Variants in TRAPPC9 observed in about 807,000 individuals in gnomAD.
TRAPPC9 encodes trafficking protein particle complex subunit 9.
Under a neutral mutation model 124.0 loss-of-function variants are expected in TRAPPC9, and 83 were observed. That is an observed-to-expected ratio of 0.67 (90% confidence interval 0.56 to 0.80). The LOEUF (loss-of-function observed/expected upper bound fraction) is 0.80. TRAPPC9 is among the 30% of genes least tolerant of loss of function. The pLI is 0.00. For missense variants in TRAPPC9, 1,302 were observed against 1,508.3 expected (o/e 0.86, Z 2.27); for synonymous variants, 638 against 617.5 (o/e 1.03, Z -0.49).
intron 21 of TRAPPC9, among the ~76,000 whole-genome samples, chr8:139,737,098 C>G (rs1225026456): frequency 1.3e-5 from 2 of 152,332 alleles, no homozygotes; most frequent in Middle Eastern, 3.4e-3. Flanking sequence ...CACGTGAAAG[C>G]GCGGGTGCTG....
At position 139,964,416 on chromosome 8, in the gene TRAPPC9, AACACTCTCT is replaced by A. The variant is rs1835563677; in HGVS notation, c.2810+24301_2810+24309del. 4.6e-5 allele frequency among the ~76,000 whole-genome samples: 7 copies of A among 152,072 alleles called. No homozygotes were observed. The South Asian group carries it at 1.3e-3, about 27-fold the overall frequency. ...GCACTCTCTCACAGAGCACTAACTC[AACACTCTCT>A]AAGAATCCTCCGCCTTGGAGAAGAT... On this transcript the variant is annotated intron_variant, in intron 19 of 22. Transcript: ENST00000438773.
At chr8:140,253,375 G>A (rs2064173241) in intron 15 of TRAPPC9, among the ~76,000 whole-genome samples, 1 of 151,968 alleles carries the variant, frequency 6.6e-6, no homozygotes, top group Non-Finnish European at 1.5e-5. Context: ...CACAAAAAGA[G>A]AATAAAAAAT....
chr8:140,066,943 G>A (rs1842921227), intron 17 of TRAPPC9, among the ~76,000 whole-genome samples: 1 of 152,178 alleles, frequency 6.6e-6, no homozygotes, highest in African/African-American at 2.4e-5. Flanking sequence ...TCTACTGACA[G>A]GCACCCTCTC....
At chr8:140,004,066 T>A (rs1838583547) in intron 18 of TRAPPC9, among the ~76,000 whole-genome samples, 1 of 152,176 alleles carries the variant, frequency 6.6e-6, no homozygotes. Flanking sequence ...GATCACAGAA[T>A]GCAGAATCAA....
chr8:140,246,014 T>C (rs1256612354), intron 16 of TRAPPC9, among the ~76,000 whole-genome samples: 1 of 152,188 alleles, frequency 6.6e-6, no homozygotes, highest in Non-Finnish European at 1.5e-5. Flanking sequence ...TATTAGATCG[T>C]CCAATCGCGC....
chr8:140,174,698 G>A (rs929594111), intron 17 of TRAPPC9, among the ~76,000 whole-genome samples: 9 of 152,028 alleles, frequency 5.9e-5, no homozygotes, highest in Admixed American at 1.3e-4. Flanking sequence ...GGCTTCTTCC[G>A]CTTAACGATG....
At chr8:140,156,023 G>T (rs1222799550) in intron 17 of TRAPPC9, among the ~76,000 whole-genome samples, 1 of 152,156 alleles carries the variant, frequency 6.6e-6, no homozygotes, top group African/African-American at 2.4e-5. Context: ...GCTCCCTCCA[G>T]TCATGTTAGC....
At chr8:139,820,647 G>A (rs908099617) in intron 21 of TRAPPC9, among the ~76,000 whole-genome samples, 2 of 152,150 alleles carry the variant, frequency 1.3e-5, no homozygotes, top group African/African-American at 2.4e-5. Context: ...TTGCTTTATC[G>A]GGTATTAAAA....
chr8:139,815,419 G>A (rs376701053), intron 21 of TRAPPC9, among the ~76,000 whole-genome samples: 5 of 144,470 alleles, frequency 3.5e-5, no homozygotes, highest in East Asian at 2.0e-4. Context: ...AGACCGTCTC[G>A]CTCTGTCACC....
chr8:140,049,772 C>G (rs1841865423), intron 17 of TRAPPC9, among the ~76,000 whole-genome samples: 1 of 152,140 alleles, frequency 6.6e-6, no homozygotes, highest in Non-Finnish European at 1.5e-5. Flanking sequence ...ACAGGGCAGG[C>G]ACTGTGTGAG....
At chr8:140,224,581 C>A (rs2063404768) in intron 16 of TRAPPC9, among the ~76,000 whole-genome samples, 1 of 152,196 alleles carries the variant, frequency 6.6e-6, no homozygotes, top group South Asian at 2.1e-4. Flanking sequence ...TAAAGCAGCC[C>A]TCACTGGGCC....
At chr8:139,871,202 G>A (rs769871940) in intron 21 of TRAPPC9, among the ~76,000 whole-genome samples, 18 of 152,200 alleles carry the variant, frequency 1.2e-4, no homozygotes, top group Admixed American at 9.2e-4. Context: ...GCTGAGAGGT[G>A]CCTTCGCTCT....
chr8:139,787,060 A>T (rs1056799503), intron 21 of TRAPPC9, among the ~76,000 whole-genome samples: 1 of 152,170 alleles, frequency 6.6e-6, no homozygotes, highest in African/African-American at 2.4e-5. Flanking sequence ...CAAAGCTGTT[A>T]AAAAAATTCA....
At chr8:139,914,915 C>G (rs1832014701) in intron 19 of TRAPPC9, 1 of 152,224 alleles carries the variant, frequency 6.6e-6, no homozygotes, top group Non-Finnish European at 1.5e-5. Flanking sequence ...ATGTTGGGGT[C>G]AGTGACACAT....
At chr8:140,092,627 C>T (rs187066422) in intron 17 of TRAPPC9, among the ~76,000 whole-genome samples, 108 of 152,262 alleles carry the variant, frequency 7.1e-4, no homozygotes, top group Admixed American at 1.5e-3. Flanking sequence ...ACTGACTGGC[C>T]CCTCAAGCAC....
rs1357633840 is a variant in TRAPPC9 at position 139,788,741 on chromosome 8, C to T, written c.3056-56539G>A. Among the ~76,000 whole-genome samples the T allele has an allele frequency of 6.6e-6, 1 of 152,312 alleles. No homozygotes were observed. Among genetic ancestry groups the T allele is most frequent in the East Asian group, 1.9e-4 (1 of 5,164 alleles). On this transcript the variant is annotated intron_variant, in intron 21 of 22. Transcript: ENST00000438773. This position sits in a 1 kb window ranked among gnomAD's most constrained non-coding sequence, Gnocchi z 4.9. ...CGTGGGCGCAGGCTGAGCACAAGGT[C>T]CACAGCCCTCCCTTGACACAAAGTC...
At chr8:139,745,753 G>A (rs1193924597) in intron 21 of TRAPPC9, among the ~76,000 whole-genome samples, 2 of 152,260 alleles carry the variant, frequency 1.3e-5, no homozygotes, top group East Asian at 1.9e-4. Flanking sequence ...GGAGCGGGCA[G>A]TTGGGGGACC....
intron 17 of TRAPPC9, among the ~76,000 whole-genome samples, chr8:140,200,536 G>A (rs2062762902): frequency 6.6e-6 from 1 of 152,084 alleles, no homozygotes; most frequent in African/African-American, 2.4e-5. Flanking sequence ...AGTCAGGTGG[G>A]CACCCCTGCG....
chr8:139,878,246 A>G (rs1404595084), intron 21 of TRAPPC9, among the ~76,000 whole-genome samples: 1 of 152,236 alleles, frequency 6.6e-6, no homozygotes, highest in African/African-American at 2.4e-5. Flanking sequence ...ACTTTTGTCA[A>G]GCGTAAAAAG....
Sources: gnomAD v4.1 joint callset for allele counts (sites outside exome capture counted in the v4.1 genomes callset) on GRCh38, gnomAD v4.1.1 for gene constraint, Gnocchi (gnomAD v3.1) non-coding constraint, MANE v1.5 for transcripts, NCBI Gene and HGNC (gene_info 2026-07-23, HGNC 2026-07-21) for gene names.